The following HTR2C variants were observed in gnomAD, a reference collection of about 807,000 sequenced individuals.
HTR2C encodes the protein 5-hydroxytryptamine (serotonin) receptor 2C, G protein-coupled.
A neutral mutation model predicts 21.0 loss-of-function variants in HTR2C; 5 were observed. The observed-to-expected ratio is 0.24, with a 90% CI of 0.12 to 0.50. The LOEUF (loss-of-function observed/expected upper bound fraction) is 0.50, where lower values mean the gene tolerates loss of function less well. Among genes scored for constraint, HTR2C ranks in the 20% least tolerant of loss-of-function variants. The probability of loss-of-function intolerance (pLI) is 0.98; values close to 1 mark genes in which losing one functional copy is unlikely to be tolerated. For missense variants in HTR2C, 271 were observed against 371.2 expected, an observed-to-expected ratio of 0.73 and a Z score of 2.22; for synonymous variants, 150 against 145.3, an observed-to-expected ratio of 1.03 and a Z score of -0.23.
chrX:114,747,394 A>G (rs782031539), intron 4 of HTR2C, among the ~76,000 whole-genome samples: 2 of 112,315 alleles, frequency 1.8e-5, no homozygotes, highest in African/African-American at 3.2e-5. Context: ...GTGTAGTAAC[A>G]TAAGAAAAAT....
chrX:114,820,909 C>T (rs189720931), intron 4 of HTR2C, among the ~76,000 whole-genome samples: 1 of 111,279 alleles, frequency 9.0e-6, no homozygotes, highest in Admixed American at 9.6e-5. Context: ...CCCTTAGAAC[C>T]CTCAGGAGTT....
At chrX:114,655,609 T>G (rs1043011525) in intron 2 of HTR2C, among the ~76,000 whole-genome samples, 4 of 111,701 alleles carry the variant, frequency 3.6e-5, no homozygotes, top group Non-Finnish European at 7.6e-5. Flanking sequence ...AGCTACCTCA[T>G]GTATCAGCCC....
chrX:114,866,576 C>T (rs781889542), intron 5 of HTR2C, among the ~76,000 whole-genome samples: 4 of 97,141 alleles, frequency 4.1e-5, no homozygotes, highest in South Asian at 1.1e-3. Context: ...TTGTGCTATC[C>T]AATAGTAGGC....
rs781987597 is a variant in HTR2C, at chrX:114,624,102, G to A, written c.-80+10221G>A. On this transcript the variant is annotated intron_variant, in intron 2 of 5. Coordinates refer to ENST00000276198, the MANE Select transcript of HTR2C (RefSeq NM_000868.4). ...TTTTTTGTATTTTCAGTAGAGACAG[G>A]GTAGGCTGGTCTTGAACTCCTGGAC... is the stretch of plus-strand genomic sequence containing the variant. 1.3e-4 allele frequency among the ~76,000 whole-genome samples: 14 copies of A among 107,834 alleles called. No homozygotes were observed. In the East Asian group the frequency reaches 3.5e-3, roughly 27 times the overall value. 93.6% of individuals were successfully genotyped at this position (107,834 alleles called of 115,157 possible).
At chrX:114,643,696 C>G (rs1399424393) in intron 2 of HTR2C, among the ~76,000 whole-genome samples, 1 of 111,558 alleles carries the variant, frequency 9.0e-6, no homozygotes, top group Non-Finnish European at 1.9e-5. Context: ...CATGGGCTGA[C>G]AGTTATTAAT....
chrX:114,647,869 G>A (rs1930418854), intron 2 of HTR2C, among the ~76,000 whole-genome samples: 1 of 111,683 alleles, frequency 9.0e-6, no homozygotes, highest in Admixed American at 9.6e-5. Context: ...GAGATGTGTG[G>A]AAACAGTACA....
intron 4 of HTR2C, among the ~76,000 whole-genome samples, chrX:114,766,736 T>C (rs781899704): frequency 1.8e-5 from 2 of 111,886 alleles, no homozygotes; most frequent in Non-Finnish European, 3.8e-5. Context: ...TTTCTTTTCC[T>C]CTTTAGTCAA....
chrX:114,834,430 A>G (rs1463396722), intron 4 of HTR2C, among the ~76,000 whole-genome samples: 3 of 108,431 alleles, frequency 2.8e-5, no homozygotes, highest in Admixed American at 2.0e-4. Context: ...TCTTCTTGTT[A>G]AATTGATCCC....
chrX:114,871,654 G>A (rs1569501402), intron 5 of HTR2C, among the ~76,000 whole-genome samples: 6 of 104,861 alleles, frequency 5.7e-5, no homozygotes, highest in Admixed American at 4.2e-4. Context: ...TTTTGTATCA[G>A]GATAATATTG....
At chrX:114,586,720 T>C (rs1927412905) in intron 1 of HTR2C, among the ~76,000 whole-genome samples, 1 of 111,206 alleles carries the variant, frequency 9.0e-6, no homozygotes, top group African/African-American at 3.3e-5. Flanking sequence ...TATGAATTCA[T>C]CAGAAAAGAG....
In HTR2C at chrX:114,848,150, A is replaced by G. The variant is rs199880850; in HGVS notation, c.497A>G (p.Asn166Ser). 1.2e-5 allele frequency: 14 copies of G among 1,210,137 alleles called. No homozygotes were observed. In the Admixed American group the frequency reaches 3.1e-4, roughly 26 times the overall value. The change falls in exon 5 of 6, where the codon AAT becomes AGT. Residue 166 changes from asparagine to serine, a missense_variant. By Grantham distance (46) the Asn-to-Ser change is conservative. Coordinates refer to ENST00000276198, the MANE Select transcript of HTR2C (RefSeq NM_000868.4). Reference sequence around the variant, plus strand: ...AATCCTATTGAGCATAGCCGTTTCAATTCGCGGACTAAGGCCATCATGAAG... The same window carrying G: ...AATCCTATTGAGCATAGCCGTTTCAGTTCGCGGACTAAGGCCATCATGAAG... ...IRNPIEHSRF[N>S]SRTKAIMKIA...
intron 5 of HTR2C, chrX:114,900,649 T>A (rs1054936423): frequency 8.9e-6 from 1 of 111,892 alleles, no homozygotes; most frequent in Admixed American, 9.5e-5. Flanking sequence ...AAATAACCCA[T>A]GGAAACAGAT....
At chrX:114,721,825 T>C (rs1933229066) in intron 2 of HTR2C, among the ~76,000 whole-genome samples, 1 of 109,669 alleles carries the variant, frequency 9.1e-6, no homozygotes, top group Admixed American at 9.8e-5. Context: ...ATCAGATAGT[T>C]GTAGGTATGC....
rs73638469 is a variant in HTR2C, at chrX:114,766,682, G to A, written c.349+35075G>A. Among the ~76,000 whole-genome samples, 872 of 111,582 alleles carry A rather than the reference G, an allele frequency of 7.8e-3. 14 individuals carry two copies. The highest frequency in any genetic ancestry group is 0.027 in the African/African-American group (819 of 30,875). On this transcript the variant is annotated intron_variant, in intron 4 of 5. Transcript: ENST00000276198. ...GTACTCCTAACAGAGTGCTTGAACT[G>A]TGTAGTAAAAGGATCATTGGGCTAA...
At chrX:114,686,034 C>G (rs1182972562) in intron 2 of HTR2C, among the ~76,000 whole-genome samples, 1 of 111,604 alleles carries the variant, frequency 9.0e-6, no homozygotes, top group African/African-American at 3.2e-5. Context: ...CTTTTCAAAG[C>G]AACAATATAA....
chrX:114,661,143 G>A (rs1181781554), intron 2 of HTR2C, among the ~76,000 whole-genome samples: 1 of 112,060 alleles, frequency 8.9e-6, no homozygotes, highest in East Asian at 2.8e-4. Context: ...GAAGTAGAGT[G>A]ATGCATTATC....
intron 5 of HTR2C, among the ~76,000 whole-genome samples, chrX:114,856,880 C>T (rs1034713589): frequency 3.6e-5 from 4 of 111,239 alleles, no homozygotes; most frequent in African/African-American, 1.3e-4. Flanking sequence ...CCCACCATTA[C>T]ATTGGCATTA....
chrX:114,644,110 A>T (rs1930239078), intron 2 of HTR2C, among the ~76,000 whole-genome samples: 2 of 108,152 alleles, frequency 1.8e-5, no homozygotes, highest in African/African-American at 6.7e-5. Context: ...TGGGAGGCGG[A>T]GGCAGGCGGG....
At chrX:114,715,268 T>G in intron 2 of HTR2C, 1 of 384,107 alleles carries the variant, frequency 2.6e-6, no homozygotes, top group Non-Finnish European at 5.2e-6. Context: ...GCTGTCCAGA[T>G]GTATCCAAGT....
Sources: allele counts gnomAD v4.1 joint callset (sites outside exome capture counted in the v4.1 genomes callset), GRCh38; gene constraint gnomAD v4.1.1; transcripts MANE v1.5; gene names NCBI Gene and HGNC (gene_info 2026-07-23, HGNC 2026-07-21).